The following ALK variants were observed in gnomAD, a reference collection of about 807,000 sequenced individuals.
The protein encoded by ALK is ALK receptor tyrosine kinase, also known as ALK tyrosine kinase receptor.
ALK carries 74 observed loss-of-function variants against 163.1 expected under a neutral mutation model. That is an observed-to-expected ratio of 0.45 (90% confidence interval 0.38 to 0.55). ALK has a LOEUF of 0.55. ALK is among the 20% of genes least tolerant of loss of function. The pLI is 0.00. For missense variants in ALK, 2,063 were observed against 2,105.3 expected, an observed-to-expected ratio of 0.98 and a Z score of 0.39; for synonymous variants, 960 against 843.2, an observed-to-expected ratio of 1.14 and a Z score of -2.40.
chr2:29,340,868 A>T (rs1219818513), intron 5 of ALK, among the ~76,000 whole-genome samples: 1 of 152,134 alleles, frequency 6.6e-6, no homozygotes. Flanking sequence ...TCCAAATCAC[A>T]GATACATCGT....
At chr2:29,304,401 C>T (rs1666448223) in intron 8 of ALK, among the ~76,000 whole-genome samples, 1 of 147,876 alleles carries the variant, frequency 6.8e-6, no homozygotes, top group African/African-American at 2.5e-5. Context: ...GAGGCTGAGG[C>T]AGGAAATCAC....
At chr2:29,540,334 G>A (rs1380222930) in intron 3 of ALK, among the ~76,000 whole-genome samples, 1 of 152,110 alleles carries the variant, frequency 6.6e-6, no homozygotes, top group Non-Finnish European at 1.5e-5. Flanking sequence ...TACAGATATA[G>A]ATAAGTGGCA....
At chr2:29,551,993 T>C (rs1017724600) in intron 3 of ALK, among the ~76,000 whole-genome samples, 4 of 152,176 alleles carry the variant, frequency 2.6e-5, no homozygotes, top group Non-Finnish European at 4.4e-5. Context: ...AAAACCTCTG[T>C]ACTCACTTAA....
At chr2:29,421,033 C>T (rs1450744889) in intron 4 of ALK, among the ~76,000 whole-genome samples, 5 of 151,514 alleles carry the variant, frequency 3.3e-5, no homozygotes, top group Non-Finnish European at 7.3e-5. Flanking sequence ...GTCTCCATGC[C>T]ATCATTCCAC....
intron 5 of ALK, among the ~76,000 whole-genome samples, chr2:29,340,775 C>A (rs144112756): frequency 1.3e-5 from 2 of 152,210 alleles, no homozygotes; most frequent in East Asian, 3.8e-4. Context: ...GAGGCTTCCA[C>A]ACCTCCATCT....
At chr2:29,855,213 T>C (rs1383297810) in intron 1 of ALK, among the ~76,000 whole-genome samples, 1 of 152,242 alleles carries the variant, frequency 6.6e-6, no homozygotes, top group Non-Finnish European at 1.5e-5. Flanking sequence ...CATTATCTCA[T>C]TTAATCTTCA....
intron 8 of ALK, among the ~76,000 whole-genome samples, chr2:29,316,386 A>G (rs888908053): frequency 1.4e-4 from 22 of 152,176 alleles, no homozygotes; most frequent in African/African-American, 5.1e-4. Flanking sequence ...GGAAAAGGGC[A>G]GGGAATAGCA....
rs1335583008 is a variant in ALK at position 29,506,755 on chromosome 2, AC to A, written c.1154+25159del. Among the ~76,000 whole-genome samples the A allele has an allele frequency of 1.2e-3, 147 of 126,000 alleles. 3 individuals are homozygous for A. Among genetic ancestry groups the A allele is most frequent in the African/African-American group, 3.1e-3 (123 of 39,978 alleles). 82.7% of individuals were successfully genotyped at this position (126,000 alleles called of 152,430 possible). On this transcript the variant is annotated intron_variant, in intron 4 of 28. Transcript: ENST00000389048. ...AGCAAGACTCCGTCTCAAAAACAAA[AC>A]AAAAAAAAAAAGTTAAGCAGGATTT...
intron 1 of ALK, among the ~76,000 whole-genome samples, chr2:29,872,541 AC>A (rs1666605189): frequency 1.3e-5 from 2 of 152,220 alleles, no homozygotes; most frequent in African/African-American, 4.8e-5. Context: ...AGGACAGTAT[AC>A]CATAGACTGT....
chr2:29,400,939 C>A (rs1669429556), intron 4 of ALK, among the ~76,000 whole-genome samples: 1 of 151,668 alleles, frequency 6.6e-6, no homozygotes, highest in African/African-American at 2.4e-5. Flanking sequence ...CGCACCATTG[C>A]ACTCCAGCCT....
intron 1 of ALK, among the ~76,000 whole-genome samples, chr2:29,816,990 C>T (rs535383982): frequency 6.6e-6 from 1 of 152,286 alleles, no homozygotes; most frequent in East Asian, 1.9e-4. Context: ...GTTTTAAGTG[C>T]TTTGTGCGTA....
At chr2:29,260,270 T>C (rs1665053175) in intron 11 of ALK, among the ~76,000 whole-genome samples, 1 of 152,228 alleles carries the variant, frequency 6.6e-6, no homozygotes, top group South Asian at 2.1e-4. Flanking sequence ...TTATTGTTTT[T>C]GTGTCTTTTA....
chr2:29,591,070 C>CAA (rs35070273), intron 3 of ALK, among the ~76,000 whole-genome samples: 1,269 of 46,908 alleles, frequency 0.027, 81 homozygotes, highest in Non-Finnish European at 0.03. Context: ...GACTCCGTCT[C>CAA]AAAAAAAAAA....
intron 3 of ALK, among the ~76,000 whole-genome samples, chr2:29,659,412 A>T (rs78646973): frequency 0.015 from 2,335 of 152,092 alleles, 64 homozygotes; most frequent in African/African-American, 0.053. Context: ...TGGGCTGGGG[A>T]GATGGCATAG....
At chr2:29,698,611 C>A (rs1169628842) in intron 2 of ALK, among the ~76,000 whole-genome samples, 1 of 152,188 alleles carries the variant, frequency 6.6e-6, no homozygotes, top group Non-Finnish European at 1.5e-5. Flanking sequence ...GCAAATGTGC[C>A]CTACATGTGT....
chr2:29,249,549 A>C (rs1360407241), intron 12 of ALK, among the ~76,000 whole-genome samples: 1 of 152,162 alleles, frequency 6.6e-6, no homozygotes. Context: ...ACTTTGAGCC[A>C]GAGCACCCTG....
chr2:29,221,299 C>A (rs1021682106), intron 22 of ALK: 3 of 497,984 alleles, frequency 6.0e-6, no homozygotes, highest in Non-Finnish European at 1.2e-5. Context: ...GATGGCCTCA[C>A]GAGTCTATCA....
chr2:29,742,540 A>C (rs1011683165), intron 1 of ALK, among the ~76,000 whole-genome samples: 1 of 152,156 alleles, frequency 6.6e-6, no homozygotes, highest in Non-Finnish European at 1.5e-5. Flanking sequence ...GATTTCCCCT[A>C]CAGGCTTTAT....
intron 3 of ALK, among the ~76,000 whole-genome samples, chr2:29,556,351 G>A (rs1673860663): frequency 6.6e-6 from 1 of 152,170 alleles, no homozygotes; most frequent in Non-Finnish European, 1.5e-5. Context: ...CATGTAAAAT[G>A]CTTAGCACAC....
Sources: gnomAD v4.1 joint callset for allele counts (sites outside exome capture counted in the v4.1 genomes callset) on GRCh38, gnomAD v4.1.1 for gene constraint, MANE v1.5 for transcripts, NCBI Gene and HGNC (gene_info 2026-07-23, HGNC 2026-07-21) for gene names.